The following CNDP1 variants were observed in gnomAD, a reference collection of about 807,000 sequenced individuals.
CNDP1 encodes beta-Ala-His dipeptidase.
In CNDP1, 44 loss-of-function variants were observed where a neutral mutation model predicts 58.1. That is an observed-to-expected ratio of 0.76 (90% confidence interval 0.60 to 0.97). The LOEUF is 0.97. Among genes scored for constraint, CNDP1 ranks in the 50% least tolerant of loss-of-function variants. The pLI is 0.00. For synonymous variants in CNDP1, 254 were observed against 252.6 expected, an observed-to-expected ratio of 1.01 and a Z score of -0.05; for missense variants, 616 against 655.1, an observed-to-expected ratio of 0.94 and a Z score of 0.65.
In CNDP1 at chr18:74,534,572, T is replaced by C. The variant is rs1167663107; in HGVS notation, c.-96T>C. The C allele has an allele frequency of 1.5e-6, 2 of 1,292,980 alleles. No homozygotes were observed. Among genetic ancestry groups the C allele is most frequent in the East Asian group, 2.3e-5 (1 of 43,180 alleles). The allele number at this position is 1,292,980 out of a possible 1,614,324, so 80.1% of individuals were successfully genotyped here. On this transcript the variant is annotated 5_prime_UTR_variant, in exon 1 of 12. Transcript: ENST00000358821. ...CAACGTGGGTCAGGGCACAGAGAGA[T>C]ATTTAATGTCACCCTCTTGGGGCTT...
chr18:74,543,852 A>G (rs1025389328), intron 1 of CNDP1, among the ~76,000 whole-genome samples: 1 of 152,028 alleles, frequency 6.6e-6, no homozygotes. Flanking sequence ...TGGGAGGCCA[A>G]AGAAAGAGGA....
chr18:74,581,989 G>C (rs2144581085), intron 10 of CNDP1, among the ~76,000 whole-genome samples: 1 of 152,348 alleles, frequency 6.6e-6, no homozygotes, highest in South Asian at 2.1e-4. Flanking sequence ...CAGTACAAGG[G>C]ACACAGACAC....
At chr18:74,567,038 A>G in intron 5 of CNDP1, 195 bp from the exon 6 acceptor site, 1 of 585,704 alleles carries the variant, frequency 1.7e-6, no homozygotes, top group South Asian at 2.0e-5. Flanking sequence ...TAAACCCATC[A>G]GATCTCATGA....
intron 1 of CNDP1, among the ~76,000 whole-genome samples, chr18:74,540,666 C>T (rs997006256): frequency 2.6e-5 from 4 of 152,218 alleles, no homozygotes; most frequent in Non-Finnish European, 5.9e-5. Flanking sequence ...CCCAGGCAGT[C>T]TCTTGACCCC....
intron 5 of CNDP1, among the ~76,000 whole-genome samples, chr18:74,564,083 A>G (rs1568296920): frequency 6.6e-6 from 1 of 152,184 alleles, no homozygotes; most frequent in East Asian, 1.9e-4. Context: ...TGATTTTCTA[A>G]TTTTCTCATT....
At chr18:74,579,203 G>T (rs113263974) in intron 9 of CNDP1, among the ~76,000 whole-genome samples, 18 of 125,632 alleles carry the variant, frequency 1.4e-4, no homozygotes, top group South Asian at 2.6e-4. Flanking sequence ...CCCTTCCCTT[G>T]CCTTCCCTTC....
chr18:74,578,959 G>T (rs1320842236), intron 9 of CNDP1, among the ~76,000 whole-genome samples: 1 of 152,134 alleles, frequency 6.6e-6, no homozygotes, highest in South Asian at 2.1e-4. Flanking sequence ...TTAACAGAAA[G>T]TAGACTCTTG....
intron 1 of CNDP1, among the ~76,000 whole-genome samples, chr18:74,551,184 T>C (rs1980896720): frequency 6.6e-6 from 1 of 152,092 alleles, no homozygotes; most frequent in Non-Finnish European, 1.5e-5. Context: ...TAAAAGTTCC[T>C]TGAGACCTCC....
chr18:74,575,615 A>G (rs75823972), intron 7 of CNDP1, among the ~76,000 whole-genome samples: 1,864 of 152,308 alleles, frequency 0.012, 18 homozygotes, highest in Non-Finnish European at 0.02. Flanking sequence ...TCTTTCATGA[A>G]GAGCACACTA....
chr18:74,570,760 A>G (rs540799154), intron 6 of CNDP1, among the ~76,000 whole-genome samples: 6 of 152,356 alleles, frequency 3.9e-5, no homozygotes, highest in Admixed American at 3.9e-4. Flanking sequence ...GGAGGTATCA[A>G]TAGAATTGTC....
At position 74,545,752 on chromosome 18, in the gene CNDP1, TC is replaced by T. The variant is rs1338043350; in HGVS notation, c.25-10584del. Among the ~76,000 whole-genome samples, 25 of 152,240 alleles carry T rather than the reference TC, an allele frequency of 1.6e-4. No homozygotes were observed. The highest frequency in any genetic ancestry group is 5.5e-4 in the African/African-American group (23 of 41,538). On this transcript the variant is annotated intron_variant, in intron 1 of 11. Transcript: ENST00000358821. This position sits in a 1 kb window ranked among gnomAD's most constrained non-coding sequence, Gnocchi z 4.1. ...CTCCCCTGCAGGTATTCTGTAAATA[TC>T]CTATCGACACTTTTACACAAAAATC...
chr18:74,551,361 A>AACAC (rs74178982), intron 1 of CNDP1, among the ~76,000 whole-genome samples: 5,301 of 147,978 alleles, frequency 0.036, 129 homozygotes, highest in African/African-American at 0.065. Flanking sequence ...GCACAACTGT[A>AACAC]ACACACACAC....
chr18:74,551,295 C>T (rs1230327625), intron 1 of CNDP1, among the ~76,000 whole-genome samples: 1 of 151,544 alleles, frequency 6.6e-6, no homozygotes, highest in African/African-American at 2.4e-5. Flanking sequence ...CCACCACAGG[C>T]ATTTCTTTAT....
intron 7 of CNDP1, among the ~76,000 whole-genome samples, chr18:74,573,088 T>C (rs1981528081): frequency 6.6e-6 from 1 of 152,150 alleles, no homozygotes; most frequent in Non-Finnish European, 1.5e-5. Context: ...CATCTATCCA[T>C]CTATTATCTA....
chr18:74,582,539 T>C (rs1232150903), intron 10 of CNDP1, among the ~76,000 whole-genome samples: 2 of 152,218 alleles, frequency 1.3e-5, no homozygotes, highest in Non-Finnish European at 2.9e-5. Context: ...ATTTAATTCA[T>C]GAAGAAACAA....
In CNDP1 at chr18:74,546,671, C is replaced by T. The variant is rs954347750; in HGVS notation, c.25-9667C>T. ...CTAGGCCAGCTCTCCCTGCAAACCA[C>T]GGAAACACCCACCCCGTGACTGGCA... On this transcript the variant is annotated intron_variant, in intron 1 of 11. Transcript: ENST00000358821. Among the ~76,000 whole-genome samples, 7 of 152,182 alleles carry T rather than the reference C, an allele frequency of 4.6e-5. 1 individual carries two copies. Among genetic ancestry groups the T allele is most frequent in the African/African-American group, 1.4e-4 (6 of 41,446 alleles).
At chr18:74,577,072 C>A (rs562419241) in intron 8 of CNDP1, 43 bp downstream of exon 8, 2 of 1,539,276 alleles carry the variant, frequency 1.3e-6, no homozygotes, top group Middle Eastern at 1.7e-4. Flanking sequence ...AGGCATGAGG[C>A]TAGTATATCA....
Position 74,545,047 on chromosome 18 carries a change from GGCAGGAAGGACCCTCCCCTAGAGCCT to G in CNDP1, c.24+10361_24+10386del, listed in dbSNP as rs1031407091. ...TGCTGCCAACACCAGAAGCTGGAGG[GGCAGGAAGGACCCTCCCCTAGAGCCT>G]GCAGACGGAGCCCAGCCCTGCCAAC... On this transcript the variant is annotated intron_variant, in intron 1 of 11. Coordinates refer to ENST00000358821, the MANE Select transcript of CNDP1 (RefSeq NM_032649.6). This position sits in a 1 kb window ranked among gnomAD's most constrained non-coding sequence, Gnocchi z 4.1. Among the ~76,000 whole-genome samples the G allele has an allele frequency of 6.6e-6, 1 of 152,166 alleles. No individual in the cohort carries two copies. The highest frequency in any genetic ancestry group is 2.4e-5 in the African/African-American group (1 of 41,434).
chr18:74,560,483 G>A (rs79069175), intron 3 of CNDP1, among the ~76,000 whole-genome samples: 11,695 of 152,102 alleles, frequency 0.077, 517 homozygotes, highest in African/African-American at 0.12. Context: ...TAAGGCGGGC[G>A]GATTAGTTGA....
Sources: allele counts gnomAD v4.1 joint callset (sites outside exome capture counted in the v4.1 genomes callset), GRCh38; gene constraint gnomAD v4.1.1; non-coding constraint Gnocchi (gnomAD v3.1); transcripts MANE v1.5; gene names NCBI Gene and HGNC (gene_info 2026-07-23, HGNC 2026-07-21).